Variants in OPRK1 observed in about 807,000 individuals in gnomAD.
The protein encoded by OPRK1 is opioid receptor kappa 1.
Under a neutral mutation model 24.5 loss-of-function variants are expected in OPRK1, and 15 were observed. The ratio of observed to expected loss-of-function variants is 0.61; its 90% CI spans 0.41 to 0.94. The LOEUF (loss-of-function observed/expected upper bound fraction) is 0.94, where lower values mean the gene tolerates loss of function less well. Ranked by LOEUF, OPRK1 falls within the 40% of genes least tolerant of loss-of-function variation. The pLI is 0.00. For missense variants in OPRK1, 479 were observed against 507.3 expected, an observed-to-expected ratio of 0.94 and a Z score of 0.54; for synonymous variants, 205 against 198.0, an observed-to-expected ratio of 1.04 and a Z score of -0.30.
rs183691848 is a variant in OPRK1, at chr8:53,235,987, A to G, written c.258-876T>C. Reference sequence around the variant, plus strand: ...CTTCCTCAAATATCCATAGAGTATTAAATAAATGTTCCAAACCATACCATC... The same window carrying G: ...CTTCCTCAAATATCCATAGAGTATTGAATAAATGTTCCAAACCATACCATC... On this transcript the variant is annotated intron_variant, in intron 2 of 3. Transcript: ENST00000265572. Among the ~76,000 whole-genome samples the G allele has an allele frequency of 2.7e-3, 415 of 152,336 alleles. 6 individuals carry two copies. The South Asian group carries it at 0.034, about 12-fold the overall frequency.
intron 2 of OPRK1, 64 bp downstream of exon 2, chr8:53,250,717 G>A: frequency 6.8e-7 from 1 of 1,480,628 alleles, no homozygotes; most frequent in Non-Finnish European, 9.0e-7. Context: ...TGCTCCAGTG[G>A]CGGGGCCTGA....
chr8:53,228,230 G>C lies in OPRK1; in HGVS notation c.*1067C>G, dbSNP rs1418748086. 1 of 152,276 alleles carries C rather than the reference G, an allele frequency of 6.6e-6. No individual in the cohort carries two copies. The allele number at this position is 152,276 out of a possible 1,614,324, so 9.4% of individuals were successfully genotyped here. On this transcript the variant is annotated 3_prime_UTR_variant, in exon 4 of 4. Transcript: ENST00000265572. ...CCTCTCCGTGAATAGAGAGATCTGC[G>C]AATCGCTATATGTTCATAAAGAGAT...
At position 53,250,922 on chromosome 8, in the gene OPRK1, T is replaced by C; in HGVS notation, c.116A>G (p.Asn39Ser). ...CGCGTCCTCCGAGCCGGCGCTGCCG[T>C]TGCTGTCGGGCTCGGCCCAGCCGGG... Reference protein sequence around the residue: ...WFPGWAEPDSNGSAGSEDAQL... With the variant: ...WFPGWAEPDSSGSAGSEDAQL... The change falls in exon 2 of 4, where the codon AAC becomes AGC. Residue 39 changes from asparagine to serine, a missense_variant. By Grantham distance (46) the Asn-to-Ser change is conservative (BLOSUM62 1). Coordinates refer to ENST00000265572, the MANE Select transcript of OPRK1 (RefSeq NM_000912.5). 1.2e-6 allele frequency: 2 copies of C among 1,612,174 alleles called. No individual in the cohort carries two copies. The highest frequency in any genetic ancestry group is 1.7e-6 in the Non-Finnish European group (2 of 1,179,308).
chr8:53,241,277 T>A (rs1182006033), intron 2 of OPRK1, among the ~76,000 whole-genome samples: 1 of 152,228 alleles, frequency 6.6e-6, no homozygotes, highest in Non-Finnish European at 1.5e-5. Context: ...AAAAACATAA[T>A]GAGTGTTTCA....
intron 2 of OPRK1, among the ~76,000 whole-genome samples, chr8:53,236,714 T>C (rs918195455): frequency 6.6e-6 from 1 of 152,160 alleles, no homozygotes; most frequent in Non-Finnish European, 1.5e-5. Flanking sequence ...AAGACTGAAA[T>C]GCTATCTGTT....
chr8:53,229,204 T>C lies in OPRK1; in HGVS notation c.*93A>G. The C allele has an allele frequency of 1.4e-6, 2 of 1,405,302 alleles. No individual in the cohort carries two copies. The highest frequency in any genetic ancestry group is 1.9e-6 in the Non-Finnish European group (2 of 1,035,562). 87.1% of individuals were successfully genotyped at this position (1,405,302 alleles called of 1,614,324 possible). On this transcript the variant is annotated 3_prime_UTR_variant, in exon 4 of 4. Coordinates refer to ENST00000265572, the MANE Select transcript of OPRK1 (RefSeq NM_000912.5). ...AAAAGTTTATTTTAAATTCTATCTT[T>C]TCATGTCAGACTGCAGTAGTGATCT...
chr8:53,234,860 CG>C lies in OPRK1; in HGVS notation c.508del (p.Arg170AlafsTer4). 6.2e-7 allele frequency: 1 copy of C among 1,614,162 alleles called. No homozygotes were observed. The highest frequency in any genetic ancestry group is 8.5e-7 in the Non-Finnish European group (1 of 1,180,042). On this transcript the variant is annotated frameshift_variant, in exon 3 of 4. Coordinates refer to ENST00000265572, the MANE Select transcript of OPRK1 (RefSeq NM_000912.5). LOFTEE classifies it high-confidence loss of function. Reference protein sequence around the residue: ...VCHPVKALDFRTPLKAKIINI... With the variant: ...VCHPVKALDFXTPLKAKIINI... ...GATGATCTTTGCCTTCAAGGGTGTG[CG>C]GAAGTCCAAAGCCTTCACGGGGTGG...
chr8:53,234,322 A>G (rs756118404), intron 3 of OPRK1, among the ~76,000 whole-genome samples: 12 of 152,196 alleles, frequency 7.9e-5, no homozygotes, highest in Non-Finnish European at 1.3e-4. Flanking sequence ...AGCTGTTAAA[A>G]TAGTGATTTG....
chr8:53,247,354 G>A (rs1271069017), intron 2 of OPRK1, among the ~76,000 whole-genome samples: 1 of 152,192 alleles, frequency 6.6e-6, no homozygotes, highest in Non-Finnish European at 1.5e-5. Flanking sequence ...TGTAACCTTA[G>A]TTTATTTCAT....
intron 2 of OPRK1, among the ~76,000 whole-genome samples, chr8:53,240,430 C>T (rs1430962021): frequency 1.3e-5 from 2 of 152,164 alleles, no homozygotes; most frequent in Non-Finnish European, 2.9e-5. Flanking sequence ...CATGGACCCA[C>T]AGGAAGCTGG....
rs1563324305 is a variant in OPRK1, at chr8:53,226,664, A to AGGCATTGCCTGGAACAATGAATAAATGG, written c.*2632_*2633insCCATTTATTCATTGTTCCAGGCAATGCC. 1 of 152,262 alleles carries AGGCATTGCCTGGAACAATGAATAAATGG rather than the reference A, an allele frequency of 6.6e-6. No homozygotes were observed. The highest frequency in any genetic ancestry group is 2.4e-5 in the African/African-American group (1 of 41,476). The allele number at this position is 152,262 out of a possible 1,614,324, so 9.4% of individuals were successfully genotyped here. A position where few individuals can be genotyped will look rare whatever the true frequency, so the allele number is the denominator to read the frequency against. On this transcript the variant is annotated 3_prime_UTR_variant, in exon 4 of 4. Transcript: ENST00000265572. Reference sequence around the variant, plus strand: ...GCTTCACAGCAGGACATCAGGACAAACAGAAAGCGTGTACACACTTTGACA... The same window carrying AGGCATTGCCTGGAACAATGAATAAATGG: ...GCTTCACAGCAGGACATCAGGACAAAGGCATTGCCTGGAACAATGAATAAATGGCAGAAAGCGTGTACACACTTTGACA...
chr8:53,230,643 C>G (rs1246649726), intron 3 of OPRK1, among the ~76,000 whole-genome samples: 4 of 152,098 alleles, frequency 2.6e-5, no homozygotes, highest in African/African-American at 9.7e-5. Flanking sequence ...TTGGAGTAGC[C>G]TTAATATTAG....
intron 2 of OPRK1, among the ~76,000 whole-genome samples, chr8:53,237,733 C>G (rs2128809026): frequency 6.6e-6 from 1 of 152,340 alleles, no homozygotes; most frequent in Non-Finnish European, 1.5e-5. Context: ...TTGTAATTTG[C>G]AAAGTCCAGT....
chr8:53,231,398 T>C (rs938111518), intron 3 of OPRK1, among the ~76,000 whole-genome samples: 1 of 152,244 alleles, frequency 6.6e-6, no homozygotes, highest in Non-Finnish European at 1.5e-5. Context: ...TGGTTTGGTT[T>C]GTTTTTTTCT....
Position 53,229,258 on chromosome 8 carries a change from T to A in OPRK1, c.*39A>T. On this transcript the variant is annotated 3_prime_UTR_variant, in exon 4 of 4. Coordinates refer to ENST00000265572, the MANE Select transcript of OPRK1 (RefSeq NM_000912.5). Reference sequence around the variant, plus strand: ...TTAAACCTAGATCATTGAACTCCTCTCTTCCCGAAGAACTGTACGAAGACA... The same window carrying A: ...TTAAACCTAGATCATTGAACTCCTCACTTCCCGAAGAACTGTACGAAGACA... The A allele has an allele frequency of 6.3e-7, 1 of 1,578,686 alleles. No homozygotes were observed. The highest frequency in any genetic ancestry group is 1.2e-5 in the South Asian group (1 of 84,306).
chr8:53,247,081 T>A (rs1017673595), intron 2 of OPRK1, among the ~76,000 whole-genome samples: 6 of 152,208 alleles, frequency 3.9e-5, no homozygotes, highest in Non-Finnish European at 5.9e-5. Flanking sequence ...GGGTTAAGGC[T>A]TTGGTGGAAG....
intron 2 of OPRK1, among the ~76,000 whole-genome samples, chr8:53,245,215 G>C (rs934235313): frequency 6.6e-6 from 1 of 152,190 alleles, no homozygotes; most frequent in Non-Finnish European, 1.5e-5. Context: ...TGCATTTGGA[G>C]ACAGGAGCTT....
intron 2 of OPRK1, among the ~76,000 whole-genome samples, chr8:53,240,225 T>C (rs1335373279): frequency 6.6e-6 from 1 of 152,146 alleles, no homozygotes; most frequent in African/African-American, 2.4e-5. Context: ...GTGACTTGCC[T>C]GAAACTACAA....
rs2128807555 is a variant in OPRK1, at chr8:53,229,617, G to A, written c.823C>T (p.Leu275=). 6.2e-7 allele frequency: 1 copy of A among 1,614,124 alleles called. No individual in the cohort carries two copies. Among genetic ancestry groups the A allele is most frequent in the Middle Eastern group, 1.6e-4 (1 of 6,062 alleles). Residue 275 remains leucine, a synonymous_variant, in exon 4 of 4, where the codon CTG becomes TTG. Transcript: ENST00000265572. ...AAGACTGCCACCACCACCAGGACCA[G>A]TCTGGTGATCCTACGCAGGTTGCGA... The part of the protein sequence containing the change: ...KDRNLRRITR[L]VLVVVAVFVV...
Sources: gnomAD v4.1 joint callset for allele counts (sites outside exome capture counted in the v4.1 genomes callset) on GRCh38, gnomAD v4.1.1 for gene constraint, MANE v1.5 for transcripts, NCBI Gene and HGNC (gene_info 2026-07-23, HGNC 2026-07-21) for gene names.